RYR2: variants seen among roughly 807,000 people sequenced by gnomAD.
RYR2 encodes the protein ryanodine receptor 2, also known as cardiac muscle ryanodine receptor-calcium release channel.
RYR2 carries 227 observed loss-of-function variants against 601.1 expected under a neutral mutation model. That is an observed-to-expected ratio of 0.38 (90% confidence interval 0.34 to 0.42). The LOEUF is 0.42. Among genes scored for constraint, RYR2 ranks in the 10% least tolerant of loss-of-function variants. RYR2 has a pLI of 1.00. For synonymous variants in RYR2, 2,223 were observed against 2,175.1 expected, an observed-to-expected ratio of 1.02 and a Z score of -0.61; for missense variants, 4,646 against 6,156.5, an observed-to-expected ratio of 0.75 and a Z score of 8.21.
At chr1:237,368,839 A>AT (rs1296453651) in intron 5 of RYR2, among the ~76,000 whole-genome samples, 149 of 151,514 alleles carry the variant, frequency 9.8e-4, no homozygotes, top group African/African-American at 2.3e-3. Context: ...TTATTTATTT[A>AT]TTAAGATAGA....
chr1:237,500,250 G>A (rs1393324000), intron 20 of RYR2, among the ~76,000 whole-genome samples: 2 of 152,320 alleles, frequency 1.3e-5, no homozygotes, highest in East Asian at 3.9e-4. Context: ...TCTGTTACTT[G>A]TAAAACATTA....
chr1:237,648,435 C>A lies in RYR2; in HGVS notation c.7343-9C>A. 1 of 1,591,958 alleles carries A rather than the reference C, an allele frequency of 6.3e-7. No individual in the cohort carries two copies. Among genetic ancestry groups the A allele is most frequent in the South Asian group, 1.1e-5 (1 of 87,230 alleles). On this transcript the variant is annotated splice_polypyrimidine_tract_variant and intron_variant, in intron 48 of 104. Transcript: ENST00000366574. ...GCCATTGACACCAAAATTCACTTCTCTCTTTTAGATGGGAATGTGGTGGAA... is the reference window on the plus strand; with the variant it reads ...GCCATTGACACCAAAATTCACTTCTATCTTTTAGATGGGAATGTGGTGGAA...
rs1706010788 is a variant in RYR2 at position 237,425,098 on chromosome 1, A to T, written c.1005+1850A>T. 2.0e-5 allele frequency among the ~76,000 whole-genome samples: 3 copies of T among 152,240 alleles called. No homozygotes were observed. The South Asian group carries it at 6.2e-4, about 31-fold the overall frequency. ...TAAAAGTAGTTATTTACAACTACTTAAAAGTTTTTTAGTGCTTTAATCATA... is the reference window on the plus strand; with the variant it reads ...TAAAAGTAGTTATTTACAACTACTTTAAAGTTTTTTAGTGCTTTAATCATA... On this transcript the variant is annotated intron_variant, in intron 12 of 104. Transcript: ENST00000366574.
intron 29 of RYR2, among the ~76,000 whole-genome samples, chr1:237,570,621 G>A (rs1024778371): frequency 1.3e-5 from 2 of 151,988 alleles, no homozygotes; most frequent in African/African-American, 4.8e-5. Context: ...TTACAGGCCT[G>A]AGCCACCATG....
Position 237,614,991 on chromosome 1 carries a change from T to C in RYR2, c.5715+148T>C, listed in dbSNP as rs1414970383. ...CTTCATAAAATTAACTAACTTCCTA[T>C]TCTTTTCCCTCTTATTCATTAGCCA... On this transcript the variant is annotated intron_variant, in intron 37 of 104. Coordinates refer to ENST00000366574, the MANE Select transcript of RYR2 (RefSeq NM_001035.3). The surrounding 1 kb of genome is among the most constrained non-coding windows in gnomAD (Gnocchi z 4.3). 1 of 838,850 alleles carries C rather than the reference T, an allele frequency of 1.2e-6. No homozygotes were observed. Among genetic ancestry groups the C allele is most frequent in the African/African-American group, 1.7e-5 (1 of 58,460 alleles). The allele number at this position is 838,850 out of a possible 1,614,324, so 52.0% of individuals were successfully genotyped here.
intron 40 of RYR2, among the ~76,000 whole-genome samples, chr1:237,626,645 G>A (rs948989721): frequency 4.2e-4 from 52 of 123,212 alleles, no homozygotes; most frequent in African/African-American, 1.6e-3. Context: ...AGGCTGGAGT[G>A]CAGTGGTGCA....
chr1:237,832,474 C>T (rs1558506722), intron 104 of RYR2, 78 bp from the exon 105 acceptor site: 2 of 882,668 alleles, frequency 2.3e-6, no homozygotes. Context: ...ATATAGGTAA[C>T]AGAATTGAGT....
chr1:237,614,781 G>A lies in RYR2; in HGVS notation c.5653G>A (p.Gly1885Arg). The change falls in exon 37 of 105, where the codon GGG becomes AGG. Residue 1885 changes from glycine to arginine, a missense_variant. By Grantham distance (125) the Gly-to-Arg change is moderately radical (BLOSUM62 -2). Transcript: ENST00000366574. This position sits in a 1 kb window ranked among gnomAD's most constrained non-coding sequence, Gnocchi z 4.3. ...AGGAGCTGGTGAGGAAGAAGCCAAG[G>A]GGGGCAAGCGGCCCAAGGAAGGCCT... The part of the protein sequence containing the change: ...LQGAGEEEAK[G>R]GKRPKEGLLQ... 1 of 1,610,042 alleles carries A rather than the reference G, an allele frequency of 6.2e-7. No homozygotes were observed. The highest frequency in any genetic ancestry group is 8.5e-7 in the Non-Finnish European group (1 of 1,177,104).
intron 16 of RYR2, among the ~76,000 whole-genome samples, chr1:237,466,358 G>A (rs1445936863): frequency 6.6e-6 from 1 of 152,030 alleles, no homozygotes; most frequent in African/African-American, 2.4e-5. Context: ...TGCACAGACT[G>A]GGTCATGCTA....
At chr1:237,564,180 C>G (rs756096563) in intron 27 of RYR2, among the ~76,000 whole-genome samples, 1 of 152,052 alleles carries the variant, frequency 6.6e-6, no homozygotes, top group Admixed American at 6.5e-5. Flanking sequence ...AACAATTTAT[C>G]GGTAATCTGT....
rs1662119585 is a variant in RYR2, at chr1:237,056,589, G to GGCTGCAGC, written c.48+14020_48+14021insGCTGCAGC. 2.0e-5 allele frequency among the ~76,000 whole-genome samples: 3 copies of GGCTGCAGC among 148,658 alleles called. 1 individual carries two copies. Among genetic ancestry groups the GGCTGCAGC allele is most frequent in the African/African-American group, 7.5e-5 (3 of 39,946 alleles). On this transcript the variant is annotated intron_variant, in intron 1 of 104. Coordinates refer to ENST00000366574, the MANE Select transcript of RYR2 (RefSeq NM_001035.3). ...AGGACTGGAACACTGCACCTGTGAG[G>GGCTGCAGC]ACTGCAGCACTGCACCTGTGAGGAC...
chr1:237,512,625 C>A (rs1436076472), intron 24 of RYR2, among the ~76,000 whole-genome samples: 1 of 152,182 alleles, frequency 6.6e-6, no homozygotes, highest in South Asian at 2.1e-4. Flanking sequence ...ATAATCCCAG[C>A]CCTTCGGAAG....
intron 1 of RYR2, among the ~76,000 whole-genome samples, chr1:237,187,090 A>T (rs1679427563): frequency 6.6e-6 from 1 of 152,174 alleles, no homozygotes; most frequent in Admixed American, 6.5e-5. Flanking sequence ...TAGAAAGTGA[A>T]TCAATGGGAC....
intron 16 of RYR2, among the ~76,000 whole-genome samples, chr1:237,461,427 G>A (rs1659466384): frequency 6.6e-6 from 1 of 151,920 alleles, no homozygotes; most frequent in Non-Finnish European, 1.5e-5. Flanking sequence ...TAAGAAGAAG[G>A]GCCTGGTCTG....
chr1:237,300,297 G>A (rs1277156996), intron 2 of RYR2, among the ~76,000 whole-genome samples: 1 of 152,136 alleles, frequency 6.6e-6, no homozygotes, highest in African/African-American at 2.4e-5. Context: ...AGGCCTGCTA[G>A]AAGTTCTCTG....
intron 74 of RYR2, among the ~76,000 whole-genome samples, chr1:237,725,555 T>C (rs2819774): frequency 6.6e-6 from 1 of 151,896 alleles, no homozygotes. Context: ...GTTATCTCCA[T>C]TGAATTTTCT....
chr1:237,727,022 A>G, intron 75 of RYR2, 65 bp from the exon 76 acceptor site: 1 of 843,842 alleles, frequency 1.2e-6, no homozygotes, highest in South Asian at 1.4e-5. Context: ...TTTGGGGTGT[A>G]AATATTTATT....
At chr1:237,213,130 G>C (rs1682774433) in intron 1 of RYR2, among the ~76,000 whole-genome samples, 1 of 150,546 alleles carries the variant, frequency 6.6e-6, no homozygotes, top group African/African-American at 2.4e-5. Flanking sequence ...TTTAAAAAAA[G>C]CAAAAAACCC....
chr1:237,711,921 A>T, intron 71 of RYR2, 84 bp downstream of exon 71: 1 of 710,090 alleles, frequency 1.4e-6, no homozygotes, highest in Non-Finnish European at 2.5e-6. Context: ...AGATTTTCGA[A>T]GATTTGTAAC....
Sources: allele counts gnomAD v4.1 joint callset (sites outside exome capture counted in the v4.1 genomes callset), GRCh38; gene constraint gnomAD v4.1.1; non-coding constraint Gnocchi (gnomAD v3.1); transcripts MANE v1.5; gene names NCBI Gene and HGNC (gene_info 2026-07-23, HGNC 2026-07-21).